TTC39B: variants seen among roughly 807,000 people sequenced by gnomAD.
The protein encoded by TTC39B is tetratricopeptide repeat protein 39B.
Under a neutral mutation model 96.6 loss-of-function variants are expected in TTC39B, and 92 were observed. That is an observed-to-expected ratio of 0.95 (90% CI 0.80 to 1.13). TTC39B has a LOEUF of 1.13. Ranked by LOEUF, TTC39B falls within the 50% of genes most tolerant of loss-of-function variation. The pLI is 0.00. For synonymous variants in TTC39B, 367 were observed against 299.4 expected (o/e 1.23, Z -2.33); for missense variants, 955 against 809.3 (o/e 1.18, Z -2.18).
intron 1 of TTC39B, among the ~76,000 whole-genome samples, chr9:15,302,539 CAAAAAAAAAAAA>C (rs145173046): frequency 2.1e-5 from 1 of 46,760 alleles, no homozygotes; most frequent in Non-Finnish European, 3.4e-5. Context: ...GATTCCGTCT[CAAAAAAAAAAAA>C]AAAAAAAAAA....
At chr9:15,259,658 G>A (rs1199999680) in intron 2 of TTC39B, among the ~76,000 whole-genome samples, 1 of 152,104 alleles carries the variant, frequency 6.6e-6, no homozygotes, top group African/African-American at 2.4e-5. Flanking sequence ...CCCCAACTTA[G>A]GATGGTTCAA....
At chr9:15,225,786 C>A in intron 3 of TTC39B, 131 bp downstream of exon 3, 1 of 622,774 alleles carries the variant, frequency 1.6e-6, no homozygotes, top group Non-Finnish European at 2.5e-6. Context: ...GGGCACTCTA[C>A]TTGCCTAGGC....
At chr9:15,168,851 G>C (rs922736249) in exon 20 of TTC39B, 2 of 151,994 alleles carry the variant, frequency 1.3e-5, no homozygotes, top group African/African-American at 4.8e-5. Flanking sequence ...AAAAGGAGTG[G>C]AAAGTATTAA....
rs1211771949 is a variant in TTC39B, at chr9:15,232,883, G to A, written c.276-6871C>T. On this transcript the variant is annotated intron_variant, in intron 2 of 19. Coordinates refer to ENST00000512701, the Ensembl canonical transcript of TTC39B. ...GAATCAGCCTCCGCCCTTCTCAACT[G>A]GCTGCTGCAGGGCCAGTGGTGCCGG... 2.6e-5 allele frequency among the ~76,000 whole-genome samples: 4 copies of A among 152,192 alleles called. No homozygotes were observed. In the East Asian group the frequency reaches 7.7e-4, roughly 29 times the overall value.
At chr9:15,206,881 G>A (rs1420323403) in intron 6 of TTC39B, among the ~76,000 whole-genome samples, 1 of 152,106 alleles carries the variant, frequency 6.6e-6, no homozygotes, top group African/African-American at 2.4e-5. Context: ...ATCTTGAATT[G>A]TAATCCCCAT....
exon 5 of TTC39B, chr9:15,211,341 G>C: frequency 6.3e-7 from 1 of 1,598,388 alleles, no homozygotes; most frequent in Non-Finnish European, 8.5e-7. Context: ...GGTCAGGACA[G>C]CCTGCAACAC....
chr9:15,285,027 C>T (rs1415712503), intron 1 of TTC39B, among the ~76,000 whole-genome samples: 10 of 152,078 alleles, frequency 6.6e-5, no homozygotes, highest in Middle Eastern at 3.4e-3. Context: ...TTTGGGAGGC[C>T]GAGGCGAGCG....
At chr9:15,266,790 G>T (rs904655693) in intron 2 of TTC39B, among the ~76,000 whole-genome samples, 1 of 152,010 alleles carries the variant, frequency 6.6e-6, no homozygotes, top group Non-Finnish European at 1.5e-5. Flanking sequence ...TTATAAGAAA[G>T]GACATCAGGC....
chr9:15,243,141 C>A (rs1047498664), intron 2 of TTC39B, among the ~76,000 whole-genome samples: 1 of 152,170 alleles, frequency 6.6e-6, no homozygotes, highest in Non-Finnish European at 1.5e-5. Context: ...CTTCCTGCAC[C>A]CAACGCCATG....
At chr9:15,272,689 C>T (rs1431280948) in intron 1 of TTC39B, among the ~76,000 whole-genome samples, 1 of 152,194 alleles carries the variant, frequency 6.6e-6, no homozygotes, top group African/African-American at 2.4e-5. Flanking sequence ...TAGTTGGAGT[C>T]AAGCACCATT....
At chr9:15,208,136 C>T (rs902846154) in intron 6 of TTC39B, among the ~76,000 whole-genome samples, 13 of 151,360 alleles carry the variant, frequency 8.6e-5, no homozygotes, top group African/African-American at 1.2e-4. Flanking sequence ...TTCAAGCTCC[C>T]GCCTCAGCCT....
At chr9:15,227,682 G>A (rs535659) in intron 2 of TTC39B, among the ~76,000 whole-genome samples, 7,168 of 152,160 alleles carry the variant, frequency 0.047, 528 homozygotes, top group African/African-American at 0.16. Flanking sequence ...GGAAGTGACC[G>A]ACTGAAAAGG....
At chr9:15,212,939 T>A (rs1249336347) in intron 4 of TTC39B, among the ~76,000 whole-genome samples, 1 of 152,196 alleles carries the variant, frequency 6.6e-6, no homozygotes, top group Non-Finnish European at 1.5e-5. Context: ...TAATTTATCA[T>A]TATTTCAAAA....
chr9:15,271,288 A>T (rs954443556), intron 1 of TTC39B, among the ~76,000 whole-genome samples: 1 of 152,186 alleles, frequency 6.6e-6, no homozygotes, highest in Admixed American at 6.5e-5. Context: ...GAGTCCGCAC[A>T]CTGTGAAGTT....
At chr9:15,210,789 C>G (rs1174034500) in intron 5 of TTC39B, among the ~76,000 whole-genome samples, 2 of 151,260 alleles carry the variant, frequency 1.3e-5, no homozygotes, top group African/African-American at 4.9e-5. Context: ...TAACTTACCC[C>G]TTGAAAAAAA....
intron 1 of TTC39B, among the ~76,000 whole-genome samples, chr9:15,285,602 C>A (rs1415647412): frequency 6.6e-6 from 1 of 152,168 alleles, no homozygotes; most frequent in Non-Finnish European, 1.5e-5. Context: ...CGCCTGTAAT[C>A]CCTGCACTTC....
chr9:15,211,593 C>G (rs1242516450), intron 4 of TTC39B, among the ~76,000 whole-genome samples, 196 bp from the exon 5 acceptor site: 2 of 152,188 alleles, frequency 1.3e-5, no homozygotes, highest in Non-Finnish European at 2.9e-5. Flanking sequence ...CCCACACAGG[C>G]AGAACAAAAT....
intron 14 of TTC39B, among the ~76,000 whole-genome samples, chr9:15,187,320 G>C (rs969460465): frequency 5.3e-5 from 8 of 152,152 alleles, no homozygotes; most frequent in African/African-American, 1.9e-4. Flanking sequence ...TCTCATAAGT[G>C]GATCAGAATT....
intron 3 of TTC39B, among the ~76,000 whole-genome samples, chr9:15,218,635 A>AATATATATATATATATATATAT (rs1554774372): frequency 2.0e-5 from 3 of 149,448 alleles, no homozygotes; most frequent in Non-Finnish European, 4.4e-5. Context: ...GTCTATTTTA[A>AATATATATATATATATATATAT]ATATATATAT....
Sources: gnomAD v4.1 joint callset for allele counts (sites outside exome capture counted in the v4.1 genomes callset) on GRCh38, gnomAD v4.1.1 for gene constraint, MANE v1.5 for transcripts, NCBI Gene and HGNC (gene_info 2026-07-23, HGNC 2026-07-21) for gene names.